The following MOXD1 variants were observed in gnomAD, a reference collection of about 807,000 sequenced individuals.
MOXD1 encodes the protein monooxygenase DBH like 1.
A neutral mutation model predicts 66.6 loss-of-function variants in MOXD1; 62 were observed. The ratio of observed to expected loss-of-function variants is 0.93; its 90% CI spans 0.76 to 1.15. MOXD1 has a LOEUF of 1.15. Ranked by LOEUF, MOXD1 falls within the 50% of genes most tolerant of loss-of-function variation. The pLI is 0.00. For missense variants in MOXD1, 847 were observed against 754.6 expected (o/e 1.12, Z -1.44); for synonymous variants, 303 against 281.9 (o/e 1.07, Z -0.75).
At position 132,297,130 on chromosome 6, in the gene MOXD1, T is replaced by C. The variant is rs761479224; in HGVS notation, c.*23A>G. The C allele has an allele frequency of 3.2e-5, 52 of 1,610,014 alleles. No individual in the cohort carries two copies. Among genetic ancestry groups the C allele is most frequent in the Non-Finnish European group, 4.2e-5 (50 of 1,177,478 alleles). ...GACAGGTTCAGATCATAGAAAACAT[T>C]GTCAAGTCCAACAGAATTTTGATCA... On this transcript the variant is annotated 3_prime_UTR_variant, in exon 12 of 12. Coordinates refer to ENST00000367963, the MANE Select transcript of MOXD1 (RefSeq NM_015529.4).
intron 9 of MOXD1, 38 bp downstream of exon 9, chr6:132,320,590 TC>T: frequency 6.7e-7 from 1 of 1,486,464 alleles, no homozygotes; most frequent in Non-Finnish European, 9.2e-7. Context: ...TTTCTTTCTC[TC>T]CATAAATGAA....
At chr6:132,303,089 A>AG (rs1210424398) in intron 10 of MOXD1, among the ~76,000 whole-genome samples, 1 of 103,884 alleles carries the variant, frequency 9.6e-6, no homozygotes, top group East Asian at 3.7e-4. Context: ...TGAACTTTTC[A>AG]GGGGGAAAAC....
intron 1 of MOXD1, among the ~76,000 whole-genome samples, chr6:132,377,216 C>T (rs561960621): frequency 6.6e-6 from 1 of 152,134 alleles, no homozygotes; most frequent in African/African-American, 2.4e-5. Flanking sequence ...ATTGTGAAAG[C>T]AATTTAAATG....
intron 10 of MOXD1, among the ~76,000 whole-genome samples, chr6:132,304,779 A>G (rs1774648801): frequency 6.6e-6 from 1 of 152,188 alleles, no homozygotes; most frequent in Non-Finnish European, 1.5e-5. Context: ...GGAAAATGGA[A>G]AATAAAGCCA....
chr6:132,315,445 C>A (rs764517916), intron 10 of MOXD1, among the ~76,000 whole-genome samples, 190 bp downstream of exon 10: 6 of 152,142 alleles, frequency 3.9e-5, no homozygotes, highest in African/African-American at 1.2e-4. Context: ...AATCACAGAA[C>A]CTGAGGGTGG....
At chr6:132,303,827 GTGTGTGTGTATATATATATATATA>G (rs1774615922) in intron 10 of MOXD1, among the ~76,000 whole-genome samples, 27 of 99,176 alleles carry the variant, frequency 2.7e-4, no homozygotes, top group South Asian at 4.3e-4. Flanking sequence ...GTGTGTGTGT[GTGTGTGTGTATATATATATATATA>G]TATATATATA....
intron 4 of MOXD1, among the ~76,000 whole-genome samples, chr6:132,329,930 A>G (rs550277430): frequency 1.9e-4 from 29 of 152,314 alleles, no homozygotes; most frequent in African/African-American, 6.3e-4. Context: ...AAACAAGTAG[A>G]ATGGGCAGTG....
At chr6:132,322,137 C>T (rs928986629) in intron 8 of MOXD1, among the ~76,000 whole-genome samples, 35 of 152,108 alleles carry the variant, frequency 2.3e-4, no homozygotes, top group Admixed American at 2.2e-3. Context: ...GCATTATAAC[C>T]TTTTTAAAGC....
intron 1 of MOXD1, among the ~76,000 whole-genome samples, chr6:132,386,274 C>T (rs1776634753): frequency 6.9e-6 from 1 of 145,982 alleles, no homozygotes; most frequent in Non-Finnish European, 1.5e-5. Context: ...TCGTGGCGGG[C>T]GCCTGTAGTC....
chr6:132,347,785 T>C (rs1775696731), intron 4 of MOXD1, among the ~76,000 whole-genome samples: 1 of 152,180 alleles, frequency 6.6e-6, no homozygotes, highest in Admixed American at 6.5e-5. Flanking sequence ...GAATTTGTGG[T>C]GAACCATTGC....
At chr6:132,397,783 A>G (rs1021383798) in intron 1 of MOXD1, among the ~76,000 whole-genome samples, 1 of 152,162 alleles carries the variant, frequency 6.6e-6, no homozygotes, top group Non-Finnish European at 1.5e-5. Context: ...CTGAATTTAC[A>G]TTCCTTTTTA....
Position 132,297,955 on chromosome 6 carries a change from C to A in MOXD1, c.1509G>T (p.Thr503=). Reference sequence around the variant, plus strand: ...GACTTTTGATAATGAAAGGCCAGGTCCTGAATTTAAAAGACACAGTTAGTC... The same window carrying A: ...GACTTTTGATAATGAAAGGCCAGGTACTGAATTTAAAAGACACAGTTAGTC... ...IGVKEIYRPV[T]TWPFIIKSPK... is the part of the protein sequence containing the mutation. Residue 503 remains threonine, a splice_region_variant and synonymous_variant, in exon 11 of 12, where the codon ACG becomes ACT. Transcript: ENST00000367963. 6.2e-7 allele frequency: 1 copy of A among 1,603,150 alleles called. No individual in the cohort carries two copies. The highest frequency in any genetic ancestry group is 8.5e-7 in the Non-Finnish European group (1 of 1,176,556).
intron 4 of MOXD1, among the ~76,000 whole-genome samples, chr6:132,366,215 G>T (rs1331218096): frequency 2.6e-5 from 4 of 151,974 alleles, no homozygotes; most frequent in African/African-American, 9.7e-5. Flanking sequence ...ATTTCAACAT[G>T]AATCTAGCTA....
intron 10 of MOXD1, among the ~76,000 whole-genome samples, chr6:132,308,836 ACT>A (rs1327816825): frequency 6.6e-6 from 1 of 152,132 alleles, no homozygotes; most frequent in Non-Finnish European, 1.5e-5. Context: ...CATGTTGAAA[ACT>A]CTCAATAAAC....
intron 1 of MOXD1, among the ~76,000 whole-genome samples, chr6:132,393,589 TCA>T (rs1407545303): frequency 7.9e-5 from 12 of 152,096 alleles, no homozygotes; most frequent in Non-Finnish European, 1.6e-4. Flanking sequence ...GCCCTGAGAC[TCA>T]CAGAGAACTG....
At chr6:132,325,897 A>G (rs1325415619) in intron 6 of MOXD1, among the ~76,000 whole-genome samples, 2 of 152,222 alleles carry the variant, frequency 1.3e-5, no homozygotes, top group East Asian at 3.8e-4. Context: ...AATCATAAAA[A>G]TCAATTCTCC....
At chr6:132,332,545 TTAAG>T (rs1262083753) in intron 4 of MOXD1, among the ~76,000 whole-genome samples, 1 of 152,188 alleles carries the variant, frequency 6.6e-6, no homozygotes, top group East Asian at 1.9e-4. Context: ...CATGGGGATA[TTAAG>T]TGAGACACCA....
intron 10 of MOXD1, 148 bp downstream of exon 10, chr6:132,315,487 G>T: frequency 1.1e-6 from 1 of 917,526 alleles, no homozygotes; most frequent in Non-Finnish European, 1.6e-6. Context: ...TAATCAAAAA[G>T]GTTACTTGGT....
Position 132,324,032 on chromosome 6 carries a change from C to T in MOXD1, c.1012G>A (p.Val338Met), listed in dbSNP as rs776170706. 1.2e-6 allele frequency: 2 copies of T among 1,613,912 alleles called. No individual in the cohort carries two copies. The highest frequency in any genetic ancestry group is 4.5e-5 in the East Asian group (2 of 44,864). ...TMDIRKYDAG[V>M]IEAGLWVSLF... ...CTCACCCAGAGGCCAGCCTCAATCA[C>T]CCCAGCATCATATTTCCTTATATCC... The change falls in exon 7 of 12, where the codon GTG (valine) becomes ATG (methionine). Residue 338 changes from valine to methionine, a missense_variant. By Grantham distance (21) the Val-to-Met change is conservative. Transcript: ENST00000367963.
Sources: allele counts gnomAD v4.1 joint callset (sites outside exome capture counted in the v4.1 genomes callset), GRCh38; gene constraint gnomAD v4.1.1; transcripts MANE v1.5; gene names NCBI Gene and HGNC (gene_info 2026-07-23, HGNC 2026-07-21).